The following ADAMTS7 variants were observed in gnomAD, a reference collection of about 807,000 sequenced individuals.
The protein encoded by ADAMTS7 is ADAM metallopeptidase with thrombospondin type 1 motif 7.
Under a neutral mutation model 172.6 loss-of-function variants are expected in ADAMTS7, and 89 were observed. The observed-to-expected ratio is 0.52, with a 90% CI of 0.43 to 0.61. The LOEUF (loss-of-function observed/expected upper bound fraction) is 0.61, where lower values mean the gene tolerates loss of function less well. ADAMTS7 is among the 20% of genes least tolerant of loss of function. The pLI is 0.00. For missense variants in ADAMTS7, 1,973 were observed against 2,355.6 expected (o/e 0.84, Z 3.36); for synonymous variants, 885 against 978.4 (o/e 0.90, Z 1.78).
At chr15:78,790,220 A>C (rs911732556) in intron 6 of ADAMTS7, among the ~76,000 whole-genome samples, 2 of 152,174 alleles carry the variant, frequency 1.3e-5, no homozygotes, top group Non-Finnish European at 2.9e-5. Flanking sequence ...CATCCTTCTG[A>C]TGGGACAGAT....
At chr15:78,769,485 A>G (rs1371060633) in intron 16 of ADAMTS7, among the ~76,000 whole-genome samples, 1 of 152,240 alleles carries the variant, frequency 6.6e-6, no homozygotes, top group Non-Finnish European at 1.5e-5. Flanking sequence ...TCTGGGACAC[A>G]GTACTGGCTC....
In ADAMTS7 at chr15:78,775,370, G is replaced by A. The variant is rs567741769; in HGVS notation, c.1707-577C>T. On this transcript the variant is annotated intron_variant, in intron 11 of 23. Coordinates refer to ENST00000388820, the MANE Select transcript of ADAMTS7 (RefSeq NM_014272.5). ...GCTGGCCCCCACCCAGCTCAGACCT[G>A]GAGGCCAGGAGGCAGGGAGGGGCAC... 1.3e-5 allele frequency among the ~76,000 whole-genome samples: 2 copies of A among 152,312 alleles called. 1 individual carries two copies. Among genetic ancestry groups the A allele is most frequent in the African/African-American group, 4.8e-5 (2 of 41,572 alleles).
intron 8 of ADAMTS7, among the ~76,000 whole-genome samples, chr15:78,781,560 C>T (rs1413943737): frequency 6.6e-6 from 1 of 152,180 alleles, no homozygotes; most frequent in African/African-American, 2.4e-5. Flanking sequence ...CTCACCCTCA[C>T]CCCAGGCCCC....
In ADAMTS7 at chr15:78,766,612, C is replaced by T. The variant is rs1223085769; in HGVS notation, c.3299G>A (p.Ser1100Asn). 9 of 1,606,826 alleles carry T rather than the reference C, an allele frequency of 5.6e-6. No homozygotes were observed. The African/African-American group carries it at 6.7e-5, about 12-fold the overall frequency. The change falls in exon 19 of 24, where the codon AGC becomes AAC. Residue 1100 changes from serine to asparagine, a missense_variant. Ser to Asn is a conservative substitution (Grantham distance 46). Transcript: ENST00000388820. ...GTGDRTPPPH[S>N]HPAAPSTGSP... Reference sequence around the variant, plus strand: ...ACCCGTGGAGGGCGCAGCAGGATGGCTGTGTGGTGGGGGTGTCCGGTCCCC... The same window carrying T: ...ACCCGTGGAGGGCGCAGCAGGATGGTTGTGTGGTGGGGGTGTCCGGTCCCC...
intron 8 of ADAMTS7, among the ~76,000 whole-genome samples, chr15:78,778,154 A>G (rs2055379312): frequency 6.6e-6 from 1 of 152,108 alleles, no homozygotes; most frequent in East Asian, 1.9e-4. Flanking sequence ...CCTCTGTCAT[A>G]CCCTATCTAC....
At position 78,763,910 on chromosome 15, in the gene ADAMTS7, A is replaced by G; in HGVS notation, c.4593+16T>C. 6.4e-7 allele frequency: 1 copy of G among 1,556,108 alleles called. No homozygotes were observed. Among genetic ancestry groups the G allele is most frequent in the Non-Finnish European group, 8.7e-7 (1 of 1,152,206 alleles). On this transcript the variant is annotated intron_variant, in intron 21 of 23. Coordinates refer to ENST00000388820, the MANE Select transcript of ADAMTS7 (RefSeq NM_014272.5). ...TGAGGGCGTCCCCTCCCCCCAACTC[A>G]ACGGCCAGGCCTCACCTCCCTCCAG...
At chr15:78,791,451 C>T (rs773060136) in intron 4 of ADAMTS7, among the ~76,000 whole-genome samples, 4 of 152,226 alleles carry the variant, frequency 2.6e-5, no homozygotes, top group Non-Finnish European at 5.9e-5. Context: ...GCAGCAGAAC[C>T]TGGAGAGGAC....
intron 17 of ADAMTS7, 27 bp from the exon 18 acceptor site, chr15:78,767,619 G>T: frequency 6.6e-7 from 1 of 1,516,194 alleles, no homozygotes; most frequent in Non-Finnish European, 8.9e-7. Context: ...GGTGGCATCA[G>T]TGTGGCATCA....
Position 78,791,147 on chromosome 15 carries a change from T to A in ADAMTS7, c.896A>T (p.Asp299Val). The A allele has an allele frequency of 3.1e-6, 5 of 1,613,118 alleles. No homozygotes were observed. The highest frequency in any genetic ancestry group is 4.2e-6 in the Non-Finnish European group (5 of 1,179,518). ...GACCACATGACCACTCACCTCCTCA[T>A]CTTCCAGCAGGACCAGGCGCACAAT... ...ITIVRLVLLE[D>V]EEEDLKITHH... The change falls in exon 5 of 24, where the codon GAT becomes GTT. Residue 299 changes from aspartate (D) to valine (V), a missense_variant. Physicochemically the swap from Asp to Val is radical, Grantham distance 152. This residue lies in a region of ADAMTS7 where 526 missense variants were observed against 662.9 expected (regional missense o/e 0.79). Coordinates refer to ENST00000388820, the MANE Select transcript of ADAMTS7 (RefSeq NM_014272.5).
Position 78,759,446 on chromosome 15 carries a change from C to T in ADAMTS7, c.5036G>A (p.Gly1679Asp). ...SPPSHGAPSR[G>D]HQRVARR The stretch of plus-strand genomic sequence containing the variant: ...TCAGCGGCGGGCAACCCGCTGATGG[C>T]CTCGGGAGGGGGCGCCGTGGCTGGG... The change falls in exon 24 of 24, where the codon GGC becomes GAC. Residue 1679 changes from glycine (G) to aspartate (D), a missense_variant. Gly to Asp is a moderately conservative substitution (Grantham distance 94). This residue lies in a region of ADAMTS7 where 94 missense variants were observed against 95.4 expected (regional missense o/e 0.99). Transcript: ENST00000388820. 1 of 1,595,786 alleles carries T rather than the reference C, an allele frequency of 6.3e-7. No homozygotes were observed. The highest frequency in any genetic ancestry group is 8.5e-7 in the Non-Finnish European group (1 of 1,176,950).
chr15:78,776,717 C>G, intron 10 of ADAMTS7, 32 bp downstream of exon 10: 1 of 1,533,822 alleles, frequency 6.5e-7, no homozygotes, highest in Non-Finnish European at 8.8e-7. Flanking sequence ...GCCTCTCACA[C>G]ACCCACTGCC....
intron 11 of ADAMTS7, among the ~76,000 whole-genome samples, chr15:78,775,054 G>C (rs1020063217): frequency 1.1e-4 from 17 of 152,296 alleles, no homozygotes; most frequent in Admixed American, 7.2e-4. Flanking sequence ...GCAAGTCTTC[G>C]GCCACCCTCT....
intron 8 of ADAMTS7, among the ~76,000 whole-genome samples, chr15:78,787,651 G>C (rs763637525): frequency 4.6e-5 from 7 of 152,072 alleles, no homozygotes; most frequent in South Asian, 4.1e-4. Flanking sequence ...GCAACACAGC[G>C]AGACTCTGTC....
Position 78,776,749 on chromosome 15 carries a change from C to T in ADAMTS7, c.1560G>A (p.Lys520=). ...AVDGTRCGEN[K]WCLSGECVPV... ...TGCCGGGACTGGGGACATCCCCTAC[C>T]TTATTCTCCCCACACCGGGTGCCGT... is the stretch of plus-strand genomic sequence containing the variant. Residue 520 remains lysine (K), a splice_region_variant and synonymous_variant, in exon 10 of 24, where the codon AAG becomes AAA. Coordinates refer to ENST00000388820, the MANE Select transcript of ADAMTS7 (RefSeq NM_014272.5). The T allele has an allele frequency of 1.3e-6, 2 of 1,550,122 alleles. No homozygotes were observed. Among genetic ancestry groups the T allele is most frequent in the Non-Finnish European group, 1.7e-6 (2 of 1,145,612 alleles).
At chr15:78,775,159 G>A (rs2055322576) in intron 11 of ADAMTS7, among the ~76,000 whole-genome samples, 1 of 152,216 alleles carries the variant, frequency 6.6e-6, no homozygotes, top group African/African-American at 2.4e-5. Context: ...GACTAGCACT[G>A]GCTGGAGGGA....
chr15:78,762,160 G>T, intron 23 of ADAMTS7: 2 of 867,636 alleles, frequency 2.3e-6, no homozygotes, highest in Non-Finnish European at 2.8e-6. Context: ...CTCCCCCAAG[G>T]TCAGACAGCT....
intron 19 of ADAMTS7, 81 bp downstream of exon 19, chr15:78,765,564 C>T: frequency 6.3e-7 from 1 of 1,588,446 alleles, no homozygotes; most frequent in East Asian, 2.2e-5. Flanking sequence ...CGCCTGTGTC[C>T]CACTCTGCTC....
intron 16 of ADAMTS7, 87 bp from the exon 17 acceptor site, chr15:78,768,346 C>A: frequency 6.4e-7 from 1 of 1,573,460 alleles, no homozygotes; most frequent in Non-Finnish European, 8.6e-7. Flanking sequence ...AGAACCCTCC[C>A]AGAACAGCGC....
intron 13 of ADAMTS7, 149 bp downstream of exon 13, chr15:78,774,018 C>T: frequency 6.3e-6 from 8 of 1,277,732 alleles, no homozygotes; most frequent in Non-Finnish European, 4.3e-6. Context: ...GGGAGGGTGG[C>T]CCGAGGAGGA....
Sources: gnomAD v4.1 joint callset for allele counts (sites outside exome capture counted in the v4.1 genomes callset) on GRCh38, gnomAD v4.1.1 for gene constraint, gnomAD v4.1.1 regional missense constraint, MANE v1.5 for transcripts, NCBI Gene and HGNC (gene_info 2026-07-23, HGNC 2026-07-21) for gene names.